Variants in PI4K2A observed in about 807,000 individuals in gnomAD.
PI4K2A encodes the protein phosphatidylinositol 4-kinase type 2 alpha, also known as phosphatidylinositol 4-kinase type 2-alpha.
PI4K2A carries 20 observed loss-of-function variants against 55.0 expected under a neutral mutation model. That is an observed-to-expected ratio of 0.36 (90% CI 0.26 to 0.53). The LOEUF is 0.53. Among genes scored for constraint, PI4K2A ranks in the 20% least tolerant of loss-of-function variants. PI4K2A has a pLI of 0.91. For synonymous variants in PI4K2A, 235 were observed against 258.5 expected (o/e 0.91, Z 0.87); for missense variants, 463 against 637.1 (o/e 0.73, Z 2.94).
intron 8 of PI4K2A, among the ~76,000 whole-genome samples, chr10:97,667,917 A>G (rs1040175668): frequency 3.3e-5 from 5 of 152,262 alleles, no homozygotes; most frequent in African/African-American, 1.2e-4. Flanking sequence ...TACTGGGCAC[A>G]TGAAGCACTC....
At chr10:97,673,677 C>T (rs773928681) in exon 9 of PI4K2A, 10 of 1,613,648 alleles carry the variant, frequency 6.2e-6, no homozygotes, top group South Asian at 2.2e-5. Context: ...TTCCCACCAG[C>T]GGTCTTCTAG....
chr10:97,673,230 A>G (rs2041645441), intron 8 of PI4K2A, among the ~76,000 whole-genome samples: 1 of 151,882 alleles, frequency 6.6e-6, no homozygotes. Context: ...ACCTCAAGTG[A>G]TCTACCTGCC....
intron 7 of PI4K2A, 144 bp from the exon 8 acceptor site, chr10:97,666,917 A>T (rs1351043083): frequency 1.5e-6 from 1 of 671,810 alleles, no homozygotes; most frequent in African/African-American, 1.8e-5. Flanking sequence ...TAAAGCAGGG[A>T]GTTCTTGTGG....
chr10:97,664,556 A>G (rs1043532832), intron 5 of PI4K2A, among the ~76,000 whole-genome samples: 2 of 152,184 alleles, frequency 1.3e-5, no homozygotes, highest in Non-Finnish European at 2.9e-5. Context: ...TGCTTTCAGG[A>G]TTCTCATTTT....
intron 4 of PI4K2A, among the ~76,000 whole-genome samples, chr10:97,659,994 TTTC>T (rs2041572854): frequency 6.6e-6 from 1 of 151,026 alleles, no homozygotes; most frequent in Non-Finnish European, 1.5e-5. Context: ...TTTCTTTTTC[TTTC>T]TTTTCTTTTT....
chr10:97,647,072 C>T (rs960756143), intron 1 of PI4K2A, among the ~76,000 whole-genome samples: 6 of 151,970 alleles, frequency 3.9e-5, no homozygotes, highest in African/African-American at 1.4e-4. Flanking sequence ...TGAGCCACTG[C>T]GCTGGGCTCA....
chr10:97,658,902 T>A (rs552665762), intron 4 of PI4K2A, among the ~76,000 whole-genome samples: 3 of 152,354 alleles, frequency 2.0e-5, no homozygotes, highest in Admixed American at 6.5e-5. Flanking sequence ...TTAAGTCCTT[T>A]GCCTATTTTT....
At chr10:97,655,390 ATT>A (rs531822466) in intron 2 of PI4K2A, among the ~76,000 whole-genome samples, 3 of 141,602 alleles carry the variant, frequency 2.1e-5, no homozygotes, top group Admixed American at 7.2e-5. Context: ...AAAAAAAAAA[ATT>A]TTTTTTCAAA....
In PI4K2A at chr10:97,642,884, T is replaced by TCTTCCTTC. The variant is rs1246613020; in HGVS notation, c.435+1743_435+1750dup. 1.6e-3 allele frequency among the ~76,000 whole-genome samples: 156 copies of TCTTCCTTC among 96,802 alleles called. 6 individuals carry two copies. The highest frequency in any genetic ancestry group is 5.2e-3 in the Middle Eastern group (1 of 194). 63.5% of individuals were successfully genotyped at this position (96,802 alleles called of 152,430 possible). On this transcript the variant is annotated intron_variant, in intron 1 of 8. Transcript: ENST00000370631. ...CTTTCTTTTTCTTTCTTTCTTTCTT[T>TCTTCCTTC]CTTCCTTCCTTCCTTCCTTCCTTCC...
intron 1 of PI4K2A, among the ~76,000 whole-genome samples, chr10:97,648,380 C>T (rs772632211): frequency 1.2e-4 from 18 of 152,100 alleles, no homozygotes; most frequent in Non-Finnish European, 2.2e-4. Context: ...GCATGATTCC[C>T]GGCTAATTTT....
intron 4 of PI4K2A, among the ~76,000 whole-genome samples, chr10:97,660,002 CTTT>C (rs1206693622): frequency 7.3e-6 from 1 of 137,864 alleles, no homozygotes; most frequent in Non-Finnish European, 1.6e-5. Context: ...TCTTTCTTTT[CTTT>C]TTTTTTTTTT....
rs144926835 is a variant in PI4K2A, at chr10:97,656,049, G to A, written c.637-236G>A. On this transcript the variant is annotated intron_variant, in intron 2 of 8. Transcript: ENST00000370631. The surrounding 1 kb of genome is among the most constrained non-coding windows in gnomAD (Gnocchi z 4.5). ...TGGAGAATGTGAATTAAGGATTGTG[G>A]GAGATTTTAGTTGCCAGCAGTGGAA... Among the ~76,000 whole-genome samples, 3 of 152,296 alleles carry A rather than the reference G, an allele frequency of 2.0e-5. No homozygotes were observed. Among genetic ancestry groups the A allele is most frequent in the African/African-American group, 4.8e-5 (2 of 41,558 alleles).
intron 1 of PI4K2A, among the ~76,000 whole-genome samples, chr10:97,641,902 G>C (rs181314491): frequency 6.6e-6 from 1 of 152,074 alleles, no homozygotes; most frequent in Non-Finnish European, 1.5e-5. Flanking sequence ...AGCGTTTGCC[G>C]ACCTTTATTT....
At chr10:97,640,910 C>T in exon 1 of PI4K2A, 9 of 1,310,118 alleles carry the variant, frequency 6.9e-6, no homozygotes, top group Non-Finnish European at 8.7e-6. Flanking sequence ...GCCACGACCG[C>T]GAGCGGCAGC....
At chr10:97,664,843 G>GAGAT (rs2041602302) in intron 5 of PI4K2A, 42 bp from the exon 6 acceptor site, 1 of 1,342,276 alleles carries the variant, frequency 7.5e-7, no homozygotes, top group African/African-American at 1.4e-5. Context: ...GGGCCTGAGG[G>GAGAT]AGATGGGTTT....
In PI4K2A at chr10:97,641,190, G is replaced by A. The variant is rs557722141; in HGVS notation, c.435+13G>A. ...GGACCCTCAGGGGGTGAGTGCGGGG[G>A]TGGGGACCGCCGCCGCGGGCTGAGG... On this transcript the variant is annotated intron_variant, in intron 1 of 8. Transcript: ENST00000370631. 6 of 1,587,182 alleles carry A rather than the reference G, an allele frequency of 3.8e-6. No individual in the cohort carries two copies. The South Asian group carries it at 5.6e-5, about 15-fold the overall frequency.
chr10:97,671,149 A>G (rs11189318), intron 8 of PI4K2A, among the ~76,000 whole-genome samples: 24,846 of 151,642 alleles, frequency 0.16, 2,276 homozygotes, highest in Non-Finnish European at 0.21. Flanking sequence ...GAAAAAAAAA[A>G]AGAGAGAGAG....
chr10:97,656,740 A>T lies in PI4K2A; in HGVS notation c.769-81A>T. ...TCTGATACAAACTCCATAGGGCCTT[A>T]ATGGGTATCTGGCATATACTCCAAA... On this transcript the variant is annotated intron_variant, in intron 3 of 8. Transcript: ENST00000370631. This position sits in a 1 kb window ranked among gnomAD's most constrained non-coding sequence, Gnocchi z 4.5. The T allele has an allele frequency of 1.6e-6, 2 of 1,287,126 alleles. No individual in the cohort carries two copies. Among genetic ancestry groups the T allele is most frequent in the Non-Finnish European group, 2.2e-6 (2 of 897,324 alleles). 79.7% of individuals were successfully genotyped at this position (1,287,126 alleles called of 1,614,324 possible).
At chr10:97,666,308 T>C (rs763536597) in intron 6 of PI4K2A, 130 bp from the exon 7 acceptor site, 61 of 768,860 alleles carry the variant, frequency 7.9e-5, no homozygotes, top group Non-Finnish European at 1.2e-4. Flanking sequence ...AGAGCACTTG[T>C]AAGTTTTTGT....
Sources: allele counts gnomAD v4.1 joint callset (sites outside exome capture counted in the v4.1 genomes callset), GRCh38; gene constraint gnomAD v4.1.1; non-coding constraint Gnocchi (gnomAD v3.1); transcripts MANE v1.5; gene names NCBI Gene and HGNC (gene_info 2026-07-23, HGNC 2026-07-21).